CLEC4G: variants seen among roughly 807,000 people sequenced by gnomAD.
CLEC4G encodes the protein C-type lectin superfamily 4, member G.
A neutral mutation model predicts 37.0 loss-of-function variants in CLEC4G; 34 were observed. The ratio of observed to expected loss-of-function variants is 0.92; its 90% CI spans 0.70 to 1.22. CLEC4G has a LOEUF of 1.22. Among genes scored for constraint, CLEC4G ranks in the 50% most tolerant of loss-of-function variants. The pLI is 0.00. For synonymous variants in CLEC4G, 167 were observed against 165.6 expected (o/e 1.01, Z -0.06); for missense variants, 390 against 392.9 (o/e 0.99, Z 0.06).
At position 7,731,040 on chromosome 19, in the gene CLEC4G, T is replaced by C. The variant is rs767173949; in HGVS notation, c.269A>G (p.Asp90Gly). The change falls in exon 4 of 9, where the codon GAC becomes GGC. Residue 90 changes from aspartate (D) to glycine (G), a missense_variant. Coordinates refer to ENST00000328853, the MANE Select transcript of CLEC4G (RefSeq NM_198492.4). ...ALGALKEEVG[D>G]CHSCCSGTQA... is the part of the protein sequence containing the mutation. ...CGCCCCCTCACAGCAGCTGTGGCAG[T>C]CTCCGACCTCCTCCTTCAGGGCACC... The C allele has an allele frequency of 2.5e-6, 4 of 1,603,234 alleles. No individual in the cohort carries two copies. The African/African-American group carries it at 5.4e-5, about 22-fold the overall frequency.
rs950651855 is a variant in CLEC4G, at chr19:7,731,710, C to A, written c.117G>T (p.Leu39=). The A allele has an allele frequency of 2.5e-6, 4 of 1,613,970 alleles. No individual in the cohort carries two copies. Among genetic ancestry groups the A allele is most frequent in the Non-Finnish European group, 1.7e-6 (2 of 1,179,998 alleles). The part of the protein sequence containing the change: ...RRPLFLALAV[L]VTTVLWAVIL... ...TCACAGCCCAAAGGACTGTGGTGAC[C>A]AGGACAGCCAGGGCCAAGAAGAGGG... The change falls in exon 2 of 9, where the codon CTG becomes CTT. Residue 39 remains leucine (L), a synonymous_variant. Transcript: ENST00000328853.
In CLEC4G at chr19:7,730,052, C is replaced by T. The variant is rs376581873; in HGVS notation, c.594G>A (p.Ala198=). The change falls in exon 7 of 9, where the codon GCG becomes GCA. Residue 198 remains alanine (A), a synonymous_variant. Coordinates refer to ENST00000328853, the MANE Select transcript of CLEC4G (RefSeq NM_198492.4). This position sits in a 1 kb window ranked among gnomAD's most constrained non-coding sequence, Gnocchi z 7.3. The stretch of plus-strand genomic sequence containing the variant: ...CCAGGCCCCCAACGATCACCAGGTG[C>T]GCGCTGGCATCTGCGCAGTGATCCT... ...AAQDHCADAS[A]HLVIVGGLDE... The T allele has an allele frequency of 1.2e-6, 2 of 1,603,536 alleles. No individual in the cohort carries two copies. The highest frequency in any genetic ancestry group is 1.7e-5 in the Admixed American group (1 of 59,064).
In CLEC4G at chr19:7,729,441, G is replaced by C; in HGVS notation, c.807C>G (p.His269Gln). Residue 269 changes from histidine (H) to glutamine (Q), a missense_variant, in exon 9 of 9, where the codon CAC becomes CAG. Coordinates refer to ENST00000328853, the MANE Select transcript of CLEC4G (RefSeq NM_198492.4). ...WGRENCVMML[H>Q]TGLWNDAPCD... Reference sequence around the variant, plus strand: ...ACGGTGCGTCGTTCCACAGCCCCGTGTGCAGCATCATGACACAGTTCTCGC... The same window carrying C: ...ACGGTGCGTCGTTCCACAGCCCCGTCTGCAGCATCATGACACAGTTCTCGC... 1 of 1,602,078 alleles carries C rather than the reference G, an allele frequency of 6.2e-7. No individual in the cohort carries two copies. Among genetic ancestry groups the C allele is most frequent in the Non-Finnish European group, 8.6e-7 (1 of 1,169,134 alleles).
rs1412020973 is a variant in CLEC4G at position 7,730,854 on chromosome 19, C to T, written c.289G>A (p.Gly97Arg). 16 of 1,529,832 alleles carry T rather than the reference C, an allele frequency of 1.0e-5. No homozygotes were observed. The highest frequency in any genetic ancestry group is 1.4e-5 in the Non-Finnish European group (16 of 1,145,068). 94.8% of individuals were successfully genotyped at this position (1,529,832 alleles called of 1,614,324 possible). ...EVGDCHSCCS[G>R]TQAQLQTTRA... ...GTGGTCTGCAGCTGCGCCTGCGTCC[C>T]CGAGCCTGGGAGCCGCAGGGTGAGA... Residue 97 changes from glycine (G) to arginine (R), a missense_variant, in exon 5 of 9, where the codon GGG (glycine) becomes AGG (arginine). Coordinates refer to ENST00000328853, the MANE Select transcript of CLEC4G (RefSeq NM_198492.4). The surrounding 1 kb of genome is among the most constrained non-coding windows in gnomAD (Gnocchi z 7.3).
At position 7,731,823 on chromosome 19, in the gene CLEC4G, C is replaced by A. The variant is rs73921546; in HGVS notation, c.56-52G>T. ...GTCCCCCAGAACTGAGCCCTGGAGG[C>A]CTGAGTTACTCCCAGGAAACTGAGA... On this transcript the variant is annotated intron_variant, in intron 1 of 8. Transcript: ENST00000328853. 28,391 of 1,579,048 alleles carry A rather than the reference C, an allele frequency of 0.018. 2,060 individuals carry two copies. In the African/African-American group the frequency reaches 0.23, roughly 13 times the overall value.
chr19:7,730,127 C>G lies in CLEC4G; in HGVS notation c.519G>C (p.Glu173Asp). 1 of 1,612,852 alleles carries G rather than the reference C, an allele frequency of 6.2e-7. No homozygotes were observed. The highest frequency in any genetic ancestry group is 8.5e-7 in the Non-Finnish European group (1 of 1,179,662). Residue 173 changes from glutamate (E) to aspartate (D), a missense_variant, in exon 7 of 9, where the codon GAG becomes GAC. Physicochemically the swap from Glu to Asp is conservative, Grantham distance 45. Coordinates refer to ENST00000328853, the MANE Select transcript of CLEC4G (RefSeq NM_198492.4). The surrounding 1 kb of genome is among the most constrained non-coding windows in gnomAD (Gnocchi z 7.3). ...GCACAGAGAAAAAGTAGCAGGAGCC[C>G]TCGAAGGACAGCCACGACGTGGGGC... Reference protein sequence around the residue: ...EPCPTSWLSFEGSCYFFSVPK... With the variant: ...EPCPTSWLSFDGSCYFFSVPK...
intron 8 of CLEC4G, 95 bp downstream of exon 8, chr19:7,729,726 C>A (rs899500217): frequency 1.3e-6 from 2 of 1,550,800 alleles, no homozygotes; most frequent in African/African-American, 1.4e-5. Context: ...AAGTATGGAG[C>A]CCCAGCCGAG....
In CLEC4G at chr19:7,730,678, G is replaced by C; in HGVS notation, c.388+77C>G. The C allele has an allele frequency of 6.8e-7, 1 of 1,479,220 alleles. No individual in the cohort carries two copies. Among genetic ancestry groups the C allele is most frequent in the South Asian group, 1.3e-5 (1 of 75,920 alleles). The allele number at this position is 1,479,220 out of a possible 1,614,324, so 91.6% of individuals were successfully genotyped here. ...AGGACGGGGTGCATGATCGGGGTCGGGGGTCAGCACTCAGGACGGGGTCGG... is the reference window on the plus strand; with the variant it reads ...AGGACGGGGTGCATGATCGGGGTCGCGGGTCAGCACTCAGGACGGGGTCGG... On this transcript the variant is annotated intron_variant, in intron 5 of 8. Coordinates refer to ENST00000328853, the MANE Select transcript of CLEC4G (RefSeq NM_198492.4). This position sits in a 1 kb window ranked among gnomAD's most constrained non-coding sequence, Gnocchi z 7.3.
chr19:7,730,434 T>C lies in CLEC4G; in HGVS notation c.395A>G (p.Gln132Arg), dbSNP rs2033411812. The C allele has an allele frequency of 6.2e-7, 1 of 1,601,050 alleles. No homozygotes were observed. The highest frequency in any genetic ancestry group is 8.5e-7 in the Non-Finnish European group (1 of 1,179,848). ...ALRELRERVT[Q>R]GLAEAGRGRE... Reference sequence around the variant, plus strand: ...GCCCCTGCCGGCTTCAGCCAAGCCCTGGGTCACTGCGGGGTCAAGGGAGCG... The same window carrying C: ...GCCCCTGCCGGCTTCAGCCAAGCCCCGGGTCACTGCGGGGTCAAGGGAGCG... Residue 132 changes from glutamine (Q) to arginine (R), a missense_variant, in exon 6 of 9, where the codon CAG becomes CGG. Coordinates refer to ENST00000328853, the MANE Select transcript of CLEC4G (RefSeq NM_198492.4). The surrounding 1 kb of genome is among the most constrained non-coding windows in gnomAD (Gnocchi z 7.3).
chr19:7,731,923 A>G, intron 1 of CLEC4G, 125 bp downstream of exon 1: 1 of 1,503,090 alleles, frequency 6.7e-7, no homozygotes, highest in Admixed American at 1.9e-5. Flanking sequence ...CCCTGGTCCA[A>G]CTGGCTCTAT....
intron 3 of CLEC4G, 31 bp downstream of exon 3, chr19:7,731,235 C>G (rs1230861564): frequency 6.3e-7 from 1 of 1,581,408 alleles, no homozygotes; most frequent in Non-Finnish European, 8.6e-7. Flanking sequence ...CCTCACGCCC[C>G]GGGGGCCCAG....
At position 7,730,868 on chromosome 19, in the gene CLEC4G, C is replaced by A. The variant is rs763073462; in HGVS notation, c.284-9G>T. The A allele has an allele frequency of 2.0e-6, 3 of 1,529,260 alleles. No homozygotes were observed. Among genetic ancestry groups the A allele is most frequent in the South Asian group, 1.2e-5 (1 of 83,478 alleles). 94.7% of individuals were successfully genotyped at this position (1,529,260 alleles called of 1,614,324 possible). Reference sequence around the variant, plus strand: ...CGCCTGCGTCCCCGAGCCTGGGAGCCGCAGGGTGAGAGGGGCGAGGGCGGC... The same window carrying A: ...CGCCTGCGTCCCCGAGCCTGGGAGCAGCAGGGTGAGAGGGGCGAGGGCGGC... On this transcript the variant is annotated splice_polypyrimidine_tract_variant and intron_variant, in intron 4 of 8. Transcript: ENST00000328853. This position sits in a 1 kb window ranked among gnomAD's most constrained non-coding sequence, Gnocchi z 7.3.
chr19:7,731,413 C>T (rs1282254279), intron 2 of CLEC4G, 94 bp from the exon 3 acceptor site: 2 of 1,509,456 alleles, frequency 1.3e-6, no homozygotes, highest in Non-Finnish European at 1.8e-6. Flanking sequence ...GAGCACGGAG[C>T]GGGCGGGCAG....
In CLEC4G at chr19:7,730,054, C is replaced by T. The variant is rs1454674867; in HGVS notation, c.592G>A (p.Ala198Thr). 4.4e-6 allele frequency: 7 copies of T among 1,603,924 alleles called. No individual in the cohort carries two copies. The highest frequency in any genetic ancestry group is 5.9e-6 in the Non-Finnish European group (7 of 1,177,058). The change falls in exon 7 of 9, where the codon GCG (alanine) becomes ACG (threonine). Residue 198 changes from alanine (A) to threonine (T), a missense_variant. Transcript: ENST00000328853. The surrounding 1 kb of genome is among the most constrained non-coding windows in gnomAD (Gnocchi z 7.3). Reference sequence around the variant, plus strand: ...AGGCCCCCAACGATCACCAGGTGCGCGCTGGCATCTGCGCAGTGATCCTGC... The same window carrying T: ...AGGCCCCCAACGATCACCAGGTGCGTGCTGGCATCTGCGCAGTGATCCTGC... Reference protein sequence around the residue: ...AAQDHCADASAHLVIVGGLDE... With the variant: ...AAQDHCADASTHLVIVGGLDE...
chr19:7,731,861 A>G (rs1402400135), intron 1 of CLEC4G, 90 bp from the exon 2 acceptor site: 10 of 1,538,972 alleles, frequency 6.5e-6, no homozygotes, highest in Non-Finnish European at 7.9e-6. Context: ...CAGAGAAGTT[A>G]AGTAACTTGC....
Position 7,729,262 on chromosome 19 carries a change from G to A in CLEC4G, c.*104C>T. On this transcript the variant is annotated 3_prime_UTR_variant, in exon 9 of 9. Coordinates refer to ENST00000328853, the MANE Select transcript of CLEC4G (RefSeq NM_198492.4). ...TCTGAGACTCAGCAGCGGTGGATGA[G>A]GAAGAAAAAACTCTTTGGCAATCAG... 1.2e-6 allele frequency: 1 copy of A among 803,166 alleles called. No individual in the cohort carries two copies. Among genetic ancestry groups the A allele is most frequent in the Non-Finnish European group, 2.2e-6 (1 of 456,820 alleles). 49.8% of individuals were successfully genotyped at this position (803,166 alleles called of 1,614,324 possible).
Position 7,730,251 on chromosome 19 carries a change from G to C in CLEC4G, c.479-84C>G, listed in dbSNP as rs558554651. ...ATGCAGTGGGTAGGGGTTCGGCCCC[G>C]CGGGCTCAGGGGTGGAGACACAGAA... On this transcript the variant is annotated intron_variant, in intron 6 of 8. Transcript: ENST00000328853. The surrounding 1 kb of genome is among the most constrained non-coding windows in gnomAD (Gnocchi z 7.3). 1 of 1,574,018 alleles carries C rather than the reference G, an allele frequency of 6.4e-7. No individual in the cohort carries two copies. The highest frequency in any genetic ancestry group is 8.6e-7 in the Non-Finnish European group (1 of 1,162,456).
At position 7,731,092 on chromosome 19, in the gene CLEC4G, G is replaced by C; in HGVS notation, c.221-4C>G. ...AGCGCCGCCGTCTGCTTCGAGGCTG[G>C]AACGACCCCCGCCCCAAAATGCATG... On this transcript the variant is annotated splice_polypyrimidine_tract_variant and splice_region_variant and intron_variant, in intron 3 of 8. Coordinates refer to ENST00000328853, the MANE Select transcript of CLEC4G (RefSeq NM_198492.4). The C allele has an allele frequency of 1.9e-6, 3 of 1,605,474 alleles. No homozygotes were observed. Among genetic ancestry groups the C allele is most frequent in the Non-Finnish European group, 2.5e-6 (3 of 1,179,608 alleles).
At position 7,730,381 on chromosome 19, in the gene CLEC4G, G is replaced by C; in HGVS notation, c.448C>G (p.Arg150Gly). 6.2e-7 allele frequency: 1 copy of C among 1,603,180 alleles called. No individual in the cohort carries two copies. Among genetic ancestry groups the C allele is most frequent in the South Asian group, 1.1e-5 (1 of 91,066 alleles). ...GREDVRTELFRALEAVRLQNN... is the reference protein window; with the variant it reads ...GREDVRTELFGALEAVRLQNN... ...TGGAGCCTCACGGCCTCCAGCGCCC[G>C]GAACAGCTCAGTGCGGACGTCCTCA... is the stretch of plus-strand genomic sequence containing the variant. The change falls in exon 6 of 9, where the codon CGG becomes GGG. Residue 150 changes from arginine (R) to glycine (G), a missense_variant. Arg to Gly is a moderately radical substitution (Grantham distance 125, BLOSUM62 -2). Transcript: ENST00000328853. This position sits in a 1 kb window ranked among gnomAD's most constrained non-coding sequence, Gnocchi z 7.3.
Sources: allele counts gnomAD v4.1 joint callset, GRCh38; gene constraint gnomAD v4.1.1; non-coding constraint Gnocchi (gnomAD v3.1); transcripts MANE v1.5; gene names NCBI Gene and HGNC (gene_info 2026-07-23, HGNC 2026-07-21).